HACE1: variants seen among roughly 807,000 people sequenced by gnomAD.
The protein encoded by HACE1 is HECT domain and ankyrin repeat containing E3 ubiquitin protein ligase 1.
In HACE1, 73 loss-of-function variants were observed where a neutral mutation model predicts 118.4. The ratio of observed to expected loss-of-function variants is 0.62; its 90% CI spans 0.51 to 0.75. The LOEUF (loss-of-function observed/expected upper bound fraction) is 0.75, where lower values mean the gene tolerates loss of function less well. Among genes scored for constraint, HACE1 ranks in the 30% least tolerant of loss-of-function variants. The pLI is 0.00. For missense variants in HACE1, 749 were observed against 1,102.2 expected (o/e 0.68, Z 4.54); for synonymous variants, 368 against 374.8 (o/e 0.98, Z 0.21).
chr6:104,762,133 C>A (rs1779424871), intron 19 of HACE1, among the ~76,000 whole-genome samples: 1 of 152,134 alleles, frequency 6.6e-6, no homozygotes, highest in Admixed American at 6.5e-5. Flanking sequence ...TTGTGGAAGA[C>A]AGTGTGGCGA....
In HACE1 at chr6:104,791,621, G is replaced by T; in HGVS notation, c.957C>A (p.Ser319Arg). 1 of 1,611,020 alleles carries T rather than the reference G, an allele frequency of 6.2e-7. No individual in the cohort carries two copies. Among genetic ancestry groups the T allele is most frequent in the Non-Finnish European group, 8.5e-7 (1 of 1,177,488 alleles). ...AAAACATTCTCACAATCCTTAAAAG[G>T]CTCTTCATTTGAGCATCATAATTGC... The part of the protein sequence containing the change: ...LSSNYDAQMK[S>R]LLRIVRMFCH... Residue 319 changes from serine (S) to arginine (R), a missense_variant, in exon 11 of 24, where the codon AGC (serine) becomes AGA (arginine). Transcript: ENST00000262903.
intron 22 of HACE1, among the ~76,000 whole-genome samples, chr6:104,740,586 T>C (rs1430329870): frequency 1.3e-5 from 2 of 151,500 alleles, no homozygotes; most frequent in Admixed American, 1.3e-4. Context: ...CCTCGACACA[T>C]ACACTCTCCC....
At chr6:104,734,614 T>C (rs576443982) in intron 22 of HACE1, among the ~76,000 whole-genome samples, 38 of 152,292 alleles carry the variant, frequency 2.5e-4, no homozygotes, top group African/African-American at 9.1e-4. Flanking sequence ...GCTAGCTCCG[T>C]GTTGTTTCCC....
At position 104,850,999 on chromosome 6, in the gene HACE1, A is replaced by G. The variant is rs1365063993; in HGVS notation, c.132-3T>C. On this transcript the variant is annotated splice_polypyrimidine_tract_variant and splice_region_variant and intron_variant, in intron 2 of 23. Transcript: ENST00000262903. ...TTGATAGTAGTTCAGAAACAGACCT[A>G]TGCCAAAATAAAAATGAGGAATCAA... 1 of 1,549,564 alleles carries G rather than the reference A, an allele frequency of 6.5e-7. No homozygotes were observed. Among genetic ancestry groups the G allele is most frequent in the Admixed American group, 1.7e-5 (1 of 59,964 alleles).
intron 5 of HACE1, among the ~76,000 whole-genome samples, 197 bp downstream of exon 5, chr6:104,843,026 C>T (rs1434333929): frequency 6.6e-6 from 1 of 152,134 alleles, no homozygotes; most frequent in South Asian, 2.1e-4. Context: ...GCACAAGAAT[C>T]GCTTGAACCA....
At position 104,827,020 on chromosome 6, in the gene HACE1, T is replaced by C. The variant is rs370741068; in HGVS notation, c.534+6022A>G. 5.9e-5 allele frequency among the ~76,000 whole-genome samples: 9 copies of C among 152,180 alleles called. No homozygotes were observed. The East Asian group carries it at 7.7e-4, about 13-fold the overall frequency. On this transcript the variant is annotated intron_variant, in intron 6 of 23. Coordinates refer to ENST00000262903, the MANE Select transcript of HACE1 (RefSeq NM_020771.4). ...AAATAACATATTTCAACAGACTTCA[T>C]AACCTTTCAAGTGACAAAACAATAT...
At chr6:104,775,666 T>C (rs887993164) in intron 17 of HACE1, among the ~76,000 whole-genome samples, 4 of 152,286 alleles carry the variant, frequency 2.6e-5, no homozygotes, top group Non-Finnish European at 5.9e-5. Context: ...GAGCAAAGAA[T>C]TAAAGGTTAC....
At chr6:104,751,967 AC>A (rs1226059849) in intron 19 of HACE1, among the ~76,000 whole-genome samples, 10 of 150,806 alleles carry the variant, frequency 6.6e-5, no homozygotes, top group East Asian at 1.9e-4. Context: ...AAAAAAAAAA[AC>A]AGGGGAAAAA....
At chr6:104,815,267 G>C (rs1771998650) in intron 6 of HACE1, among the ~76,000 whole-genome samples, 1 of 138,468 alleles carries the variant, frequency 7.2e-6, no homozygotes, top group Non-Finnish European at 1.6e-5. Context: ...GATCACTCTT[G>C]CTATGCTTTA....
At chr6:104,753,284 G>A (rs1229057068) in intron 19 of HACE1, among the ~76,000 whole-genome samples, 2 of 152,120 alleles carry the variant, frequency 1.3e-5, no homozygotes, top group Non-Finnish European at 2.9e-5. Context: ...CCATGTCTGG[G>A]GTTCAGTCAA....
chr6:104,788,386 C>T (rs1039158276), intron 11 of HACE1, among the ~76,000 whole-genome samples: 1 of 152,014 alleles, frequency 6.6e-6, no homozygotes, highest in African/African-American at 2.4e-5. Context: ...GATTTATAAG[C>T]ATTTTAAGTC....
intron 7 of HACE1, among the ~76,000 whole-genome samples, chr6:104,799,878 T>C (rs1240462877): frequency 1.5e-5 from 2 of 133,912 alleles, no homozygotes; most frequent in Non-Finnish European, 3.2e-5. Flanking sequence ...TTGGGACTGG[T>C]TGGACAGTAG....
intron 10 of HACE1, among the ~76,000 whole-genome samples, chr6:104,793,671 T>C (rs1302112268): frequency 1.3e-5 from 2 of 152,208 alleles, no homozygotes; most frequent in East Asian, 3.8e-4. Flanking sequence ...TTACTTCACA[T>C]AATGGGTTAA....
intron 18 of HACE1, 76 bp from the exon 19 acceptor site, chr6:104,771,465 T>C (rs1356951543): frequency 1.2e-6 from 1 of 862,406 alleles, no homozygotes; most frequent in African/African-American, 1.7e-5. Context: ...AATACTGCCC[T>C]CTACAGATAT....
chr6:104,825,147 C>A (rs1352053717), intron 6 of HACE1, among the ~76,000 whole-genome samples: 1 of 151,666 alleles, frequency 6.6e-6, no homozygotes, highest in East Asian at 1.9e-4. Flanking sequence ...TCAAAATGAT[C>A]CTGCATTTGA....
Position 104,771,908 on chromosome 6 carries a change from T to C in HACE1, c.2014+17A>G. The C allele has an allele frequency of 6.6e-7, 1 of 1,525,632 alleles. No individual in the cohort carries two copies. The highest frequency in any genetic ancestry group is 9.1e-7 in the Non-Finnish European group (1 of 1,101,102). The allele number at this position is 1,525,632 out of a possible 1,614,324, so 94.5% of individuals were successfully genotyped here. A position where few individuals can be genotyped will look rare whatever the true frequency, so the allele number is the denominator to read the frequency against. ...CAATATAAATAAATGTCTGCAGAAA[T>C]AATAATAGAGCCATACCAAGAATGT... On this transcript the variant is annotated intron_variant, in intron 18 of 23. Coordinates refer to ENST00000262903, the MANE Select transcript of HACE1 (RefSeq NM_020771.4).
At chr6:104,835,813 A>G (rs759580178) in intron 5 of HACE1, among the ~76,000 whole-genome samples, 41 of 152,214 alleles carry the variant, frequency 2.7e-4, no homozygotes, top group Non-Finnish European at 4.7e-4. Flanking sequence ...AGTAGATTCT[A>G]TAAGTTTCTA....
chr6:104,843,115 A>G (rs1248141484), intron 5 of HACE1, 108 bp downstream of exon 5: 1 of 750,048 alleles, frequency 1.3e-6, no homozygotes, highest in African/African-American at 1.7e-5. Context: ...TGTCTCAAAA[A>G]AAAGTAACTT....
chr6:104,831,982 G>GA (rs1562471158), intron 6 of HACE1, among the ~76,000 whole-genome samples: 2,213 of 51,816 alleles, frequency 0.043, 33 homozygotes, highest in East Asian at 0.1. Context: ...AGAGAAGAGA[G>GA]GAAGGAAGGA....
Sources: allele counts gnomAD v4.1 joint callset (sites outside exome capture counted in the v4.1 genomes callset), GRCh38; gene constraint gnomAD v4.1.1; transcripts MANE v1.5; gene names NCBI Gene and HGNC (gene_info 2026-07-23, HGNC 2026-07-21).